Variants in GREB1L observed in about 807,000 individuals in gnomAD.
GREB1L encodes GREB1-like protein.
In GREB1L, 17 loss-of-function variants were observed where a neutral mutation model predicts 200.8. The observed-to-expected ratio is 0.08, with a 90% CI of 0.06 to 0.13. The LOEUF (loss-of-function observed/expected upper bound fraction) is 0.13, where lower values mean the gene tolerates loss of function less well. Among genes scored for constraint, GREB1L ranks in the 10% least tolerant of loss-of-function variants. The pLI is 1.00. For synonymous variants in GREB1L, 789 were observed against 893.0 expected, an observed-to-expected ratio of 0.88 and a Z score of 2.08; for missense variants, 1,657 against 2,367.7, an observed-to-expected ratio of 0.70 and a Z score of 6.23.
chr18:21,271,399 C>G (rs1035434124), intron 1 of GREB1L, among the ~76,000 whole-genome samples: 1 of 151,730 alleles, frequency 6.6e-6, no homozygotes, highest in Non-Finnish European at 1.5e-5. Context: ...GTAATCCCAG[C>G]GCGTTGAGAG....
At position 21,449,589 on chromosome 18, in the gene GREB1L, A is replaced by C. The variant is rs1040712756; in HGVS notation, c.1473A>C (p.Arg491Ser). Reference protein sequence around the residue: ...KAMQEFTLRERALQIGAQCVP... With the variant: ...KAMQEFTLRESALQIGAQCVP... ...TGCAAGAATTTACTCTGAGAGAAAGAGCCCTGCAGATAGGTGCTCAGTGTG... is the reference window on the plus strand; with the variant it reads ...TGCAAGAATTTACTCTGAGAGAAAGCGCCCTGCAGATAGGTGCTCAGTGTG... The change falls in exon 12 of 33, where the codon AGA (arginine) becomes AGC (serine). Residue 491 changes from arginine to serine, a missense_variant. Coordinates refer to ENST00000424526, the MANE Select transcript of GREB1L (RefSeq NM_001142966.3). 6.4e-7 allele frequency: 1 copy of C among 1,551,392 alleles called. No individual in the cohort carries two copies. Among genetic ancestry groups the C allele is most frequent in the African/African-American group, 1.4e-5 (1 of 73,166 alleles).
chr18:21,250,041 A>C (rs2037676209), intron 1 of GREB1L, among the ~76,000 whole-genome samples: 2 of 152,154 alleles, frequency 1.3e-5, no homozygotes, highest in Non-Finnish European at 2.9e-5. Flanking sequence ...GTCATTGAGA[A>C]GTGACTTGAG....
intron 6 of GREB1L, among the ~76,000 whole-genome samples, chr18:21,403,156 C>T (rs927459688): frequency 1.3e-5 from 2 of 151,926 alleles, no homozygotes; most frequent in East Asian, 1.9e-4. Context: ...CTTTTTGAGA[C>T]GAATAGGGTA....
intron 4 of GREB1L, among the ~76,000 whole-genome samples, chr18:21,389,397 AC>A (rs1391236474): frequency 2.4e-5 from 2 of 82,530 alleles, no homozygotes; most frequent in African/African-American, 1.0e-4. Flanking sequence ...GAACCTCTTG[AC>A]TTTTTTTTTT....
intron 17 of GREB1L, among the ~76,000 whole-genome samples, chr18:21,481,471 G>A (rs1301253315): frequency 0.064 from 7,425 of 116,758 alleles, 620 homozygotes; most frequent in African/African-American, 0.22. Context: ...GTGTGTGTGT[G>A]TGTGTGTATA....
At chr18:21,486,209 C>T (rs1216173359) in intron 18 of GREB1L, among the ~76,000 whole-genome samples, 2 of 152,116 alleles carry the variant, frequency 1.3e-5, no homozygotes, top group Admixed American at 1.3e-4. Context: ...GAAAAATTAG[C>T]CAGGCGTGGT....
chr18:21,429,208 GCTCCC>G (rs1292367294), intron 7 of GREB1L, among the ~76,000 whole-genome samples: 13 of 30,106 alleles, frequency 4.3e-4, no homozygotes, highest in South Asian at 2.4e-3. Flanking sequence ...CCTCCCCTCC[GCTCCC>G]CTCCCCTCCC....
rs2146091708 is a variant in GREB1L, at chr18:21,515,625, G to A, written c.5110G>A (p.Val1704Met). ...CCTCAACACAGACTTGACTCAGAAT[G>A]TGCAGTATGACTTCAACAGGTAAGT... Reference protein sequence around the residue: ...ILLNTDLTQNVQYDFNRYFCE... With the variant: ...ILLNTDLTQNMQYDFNRYFCE... The change falls in exon 29 of 33, where the codon GTG (valine) becomes ATG (methionine). Residue 1704 changes from valine (V) to methionine (M), a missense_variant. Transcript: ENST00000424526. 1 of 1,551,546 alleles carries A rather than the reference G, an allele frequency of 6.4e-7. No homozygotes were observed. The highest frequency in any genetic ancestry group is 8.7e-7 in the Non-Finnish European group (1 of 1,146,846).
intron 11 of GREB1L, among the ~76,000 whole-genome samples, chr18:21,444,931 T>C (rs2034124382): frequency 6.6e-6 from 1 of 152,158 alleles, no homozygotes; most frequent in African/African-American, 2.4e-5. Context: ...ATCATTGAGG[T>C]CATAACTGTG....
At chr18:21,258,928 A>C (rs1175652726) in intron 1 of GREB1L, among the ~76,000 whole-genome samples, 1 of 152,200 alleles carries the variant, frequency 6.6e-6, no homozygotes, top group African/African-American at 2.4e-5. Flanking sequence ...AGAGCCATGG[A>C]ATTGATAGTC....
intron 15 of GREB1L, among the ~76,000 whole-genome samples, chr18:21,463,157 T>C (rs2035121504): frequency 7.3e-6 from 1 of 137,620 alleles, no homozygotes; most frequent in Admixed American, 7.3e-5. Flanking sequence ...TTTTTTTTTT[T>C]TTTTTTGAGA....
At position 21,401,291 on chromosome 18, in the gene GREB1L, G is replaced by C. The variant is rs1398947688; in HGVS notation, c.674G>C (p.Gly225Ala). 6.4e-7 allele frequency: 1 copy of C among 1,551,612 alleles called. No homozygotes were observed. Among genetic ancestry groups the C allele is most frequent in the Non-Finnish European group, 8.7e-7 (1 of 1,146,972 alleles). ...LKYYLVRSSQ[G>A]VLSKGPLICW... The stretch of plus-strand genomic sequence containing the variant: ...TACTACCTAGTCAGAAGCTCCCAGG[G>C]TGTACTGTCTAAAGGACCTCTTATC... Residue 225 changes from glycine to alanine, a missense_variant, in exon 6 of 33, where the codon GGT becomes GCT. This residue lies in a region of GREB1L where 70 missense variants were observed against 151.3 expected (regional missense o/e 0.46). Transcript: ENST00000424526.
intron 1 of GREB1L, among the ~76,000 whole-genome samples, chr18:21,301,103 G>A (rs1192931336): frequency 6.6e-6 from 1 of 152,138 alleles, no homozygotes. Context: ...GATGCTATTC[G>A]GAAAAGAGAA....
At chr18:21,426,943 A>G (rs1323583006) in intron 7 of GREB1L, among the ~76,000 whole-genome samples, 1 of 139,348 alleles carries the variant, frequency 7.2e-6, no homozygotes, top group Non-Finnish European at 1.5e-5. Flanking sequence ...TGGGCAACAG[A>G]GCGAGACTAC....
intron 1 of GREB1L, among the ~76,000 whole-genome samples, chr18:21,350,497 C>G (rs145932305): frequency 0.012 from 1,821 of 152,158 alleles, 39 homozygotes; most frequent in African/African-American, 0.042. Context: ...CCTCACCCTC[C>G]CAAAGTGCTG....
rs143087630 is a variant in GREB1L at position 21,348,283 on chromosome 18, T to C, written c.-119-17744T>C. Among the ~76,000 whole-genome samples, 222 of 152,012 alleles carry C rather than the reference T, an allele frequency of 1.5e-3. 1 individual carries two copies. Among genetic ancestry groups the C allele is most frequent in the African/African-American group, 4.8e-3 (201 of 41,496 alleles). Reference sequence around the variant, plus strand: ...AATGACAGTGTTTCTCATGGTTTCCTCCTGGACCCTCTCTCATTCCACATA... The same window carrying C: ...AATGACAGTGTTTCTCATGGTTTCCCCCTGGACCCTCTCTCATTCCACATA... On this transcript the variant is annotated intron_variant, in intron 1 of 32. Transcript: ENST00000424526.
chr18:21,382,578 G>C (rs1167964097), intron 2 of GREB1L, among the ~76,000 whole-genome samples: 1 of 147,986 alleles, frequency 6.8e-6, no homozygotes, highest in African/African-American at 2.5e-5. Context: ...TGCAACCTCC[G>C]CCTCCCGGAT....
chr18:21,275,406 T>G (rs1161001965), intron 1 of GREB1L, among the ~76,000 whole-genome samples: 26 of 152,106 alleles, frequency 1.7e-4, no homozygotes, highest in Admixed American at 1.7e-3. Context: ...AGCTGGGGTC[T>G]TCTTCTTTTG....
chr18:21,460,919 A>T (rs2035017409), intron 15 of GREB1L, among the ~76,000 whole-genome samples: 1 of 151,734 alleles, frequency 6.6e-6, no homozygotes, highest in South Asian at 2.1e-4. Flanking sequence ...CAACATAGTG[A>T]AACCCTGTCT....
Sources: allele counts gnomAD v4.1 joint callset (sites outside exome capture counted in the v4.1 genomes callset), GRCh38; gene constraint gnomAD v4.1.1; regional missense constraint gnomAD v4.1.1; transcripts MANE v1.5; gene names NCBI Gene and HGNC (gene_info 2026-07-23, HGNC 2026-07-21).